ADGRL1: variants seen among roughly 807,000 people sequenced by gnomAD.
ADGRL1 encodes CIRL-1.
Under a neutral mutation model 148.9 loss-of-function variants are expected in ADGRL1, and 31 were observed. The observed-to-expected ratio is 0.21, with a 90% CI of 0.16 to 0.28. The LOEUF (loss-of-function observed/expected upper bound fraction) is 0.28. Ranked by LOEUF, ADGRL1 falls within the 10% of genes least tolerant of loss-of-function variation. The pLI, the probability that ADGRL1 is intolerant of heterozygous loss-of-function variation, is 1.00. For synonymous variants in ADGRL1, 937 were observed against 900.3 expected (o/e 1.04, Z -0.73); for missense variants, 1,521 against 2,058.8 (o/e 0.74, Z 5.05).
In ADGRL1 at chr19:14,185,800, T is replaced by A. The variant is rs551501084; in HGVS notation, c.-95-2103A>T. Among the ~76,000 whole-genome samples the A allele has an allele frequency of 3.9e-5, 6 of 152,332 alleles. No homozygotes were observed. The South Asian group carries it at 1.2e-3, about 32-fold the overall frequency. On this transcript the variant is annotated intron_variant, in intron 1 of 22. Transcript: ENST00000361434. ...TCCCTGCTGAAAACCAAAACCCTTG[T>A]AATTGGCCCAGTTAGCTCCCTGACC... is the stretch of plus-strand genomic sequence containing the variant.
chr19:14,152,494 G>A lies in ADGRL1; in HGVS notation c.3520+23C>T. 13 of 1,612,962 alleles carry A rather than the reference G, an allele frequency of 8.1e-6. No homozygotes were observed. Among genetic ancestry groups the A allele is most frequent in the Non-Finnish European group, 1.0e-5 (12 of 1,179,040 alleles). On this transcript the variant is annotated intron_variant, in intron 20 of 22. Coordinates refer to ENST00000361434, the MANE Select transcript of ADGRL1 (RefSeq NM_014921.5). This position sits in a 1 kb window ranked among gnomAD's most constrained non-coding sequence, Gnocchi z 6.1. ...CGGGAGCCTCCAGAGACTGAAGCCA[G>A]AGGCAGAAGGATGCCTTCTCACCTC...
intron 1 of ADGRL1, among the ~76,000 whole-genome samples, chr19:14,204,195 T>C (rs1187822789): frequency 1.3e-5 from 2 of 152,202 alleles, no homozygotes; most frequent in African/African-American, 4.8e-5. Context: ...GATATGATAA[T>C]GAAGGTTGTA....
At chr19:14,183,493 T>C in intron 2 of ADGRL1, 40 bp downstream of exon 2, 2 of 1,538,664 alleles carry the variant, frequency 1.3e-6, no homozygotes, top group South Asian at 2.4e-5. Context: ...CCAGAAGGGT[T>C]TGGGAGCCGC....
chr19:14,194,972 C>A (rs934417749), intron 1 of ADGRL1, among the ~76,000 whole-genome samples: 5 of 151,512 alleles, frequency 3.3e-5, no homozygotes, highest in African/African-American at 1.2e-4. Flanking sequence ...GCAGCCTCAT[C>A]CTCCCAGGCT....
chr19:14,158,005 C>T lies in ADGRL1; in HGVS notation c.2412G>A (p.Glu804=), dbSNP rs1454114595. The T allele has an allele frequency of 6.2e-7, 1 of 1,614,220 alleles. No homozygotes were observed. The highest frequency in any genetic ancestry group is 8.5e-7 in the Non-Finnish European group (1 of 1,180,022). Residue 804 remains glutamate, a synonymous_variant, in exon 13 of 23, where the codon GAG becomes GAA. Transcript: ENST00000361434. ...TCGACCAGTAGCCCAGCATGGAACG[C>T]TCCGAGTAGTTCCAGAAGGAGCAGT... ...NANCSFWNYS[E]RSMLGYWSTQ... is the part of the protein sequence containing the mutation.
rs571592051 is a variant in ADGRL1, at chr19:14,157,849, CT to C, written c.2535+32del. On this transcript the variant is annotated intron_variant, in intron 13 of 22. Coordinates refer to ENST00000361434, the MANE Select transcript of ADGRL1 (RefSeq NM_014921.5). This position sits in a 1 kb window ranked among gnomAD's most constrained non-coding sequence, Gnocchi z 7.5. ...TGCAAAGCCAGGCCAGCAATCGGGC[CT>C]GCCTGGAGGAGCAGAGCACCAGCCA... 1.2e-6 allele frequency: 2 copies of C among 1,610,136 alleles called. No individual in the cohort carries two copies. Among genetic ancestry groups the C allele is most frequent in the Non-Finnish European group, 1.7e-6 (2 of 1,178,232 alleles).
At chr19:14,153,891 G>A (rs905548898) in intron 18 of ADGRL1, among the ~76,000 whole-genome samples, 2 of 151,560 alleles carry the variant, frequency 1.3e-5, no homozygotes, top group Non-Finnish European at 2.9e-5. Flanking sequence ...GCAGTGAGCC[G>A]AGATCGCGCC....
rs759450317 is a variant in ADGRL1, at chr19:14,163,305, C to T, written c.496G>A (p.Gly166Ser). The part of the protein sequence containing the change: ...GAWCKDPLQA[G>S]DRIYVMPWIP... ...CAGGGCATCACGTAGATGCGGTCAC[C>T]CGCCTGCAGCGGGTCCTTGCACCAT... The change falls in exon 5 of 23, where the codon GGT (glycine) becomes AGT (serine). Residue 166 changes from glycine to serine, a missense_variant. Transcript: ENST00000361434. 6.2e-7 allele frequency: 1 copy of T among 1,613,506 alleles called. No individual in the cohort carries two copies. The highest frequency in any genetic ancestry group is 8.5e-7 in the Non-Finnish European group (1 of 1,179,968).
chr19:14,157,747 C>T lies in ADGRL1; in HGVS notation c.2535+135G>A. On this transcript the variant is annotated intron_variant, in intron 13 of 22. Coordinates refer to ENST00000361434, the MANE Select transcript of ADGRL1 (RefSeq NM_014921.5). This position sits in a 1 kb window ranked among gnomAD's most constrained non-coding sequence, Gnocchi z 7.5. The stretch of plus-strand genomic sequence containing the variant: ...AGGACCAGACGCATGGCCTCATGCC[C>T]CAGGCAAGACCAGGGGCCCCCCACA... The T allele has an allele frequency of 9.4e-7, 1 of 1,061,376 alleles. No homozygotes were observed. The highest frequency in any genetic ancestry group is 1.6e-5 in the South Asian group (1 of 61,456). 65.7% of individuals were successfully genotyped at this position (1,061,376 alleles called of 1,614,324 possible). A position where few individuals can be genotyped will look rare whatever the true frequency, so the allele number is the denominator to read the frequency against.
chr19:14,164,414 C>T (rs1177198216), intron 4 of ADGRL1, among the ~76,000 whole-genome samples: 1 of 152,060 alleles, frequency 6.6e-6, no homozygotes, highest in Non-Finnish European at 1.5e-5. Context: ...CGCTGCAAAC[C>T]ACCTGGGAAG....
At chr19:14,183,453 G>A in intron 2 of ADGRL1, 80 bp downstream of exon 2, 1 of 1,303,036 alleles carries the variant, frequency 7.7e-7, no homozygotes, top group Non-Finnish European at 1.1e-6. Context: ...TGAGTGATCA[G>A]GAGGGTTTTC....
chr19:14,182,615 G>A (rs893321757), intron 2 of ADGRL1, among the ~76,000 whole-genome samples: 2 of 152,156 alleles, frequency 1.3e-5, no homozygotes, highest in Non-Finnish European at 2.9e-5. Flanking sequence ...AGCACCATCT[G>A]CCTCCTCATC....
At position 14,177,521 on chromosome 19, in the gene ADGRL1, G is replaced by GCCCAC; in HGVS notation, c.284+5_284+9dup. On this transcript the variant is annotated intron_variant, in intron 3 of 22. Coordinates refer to ENST00000361434, the MANE Select transcript of ADGRL1 (RefSeq NM_014921.5). The stretch of plus-strand genomic sequence containing the variant: ...ACTTCATCCAGGAACTGCCACGAGA[G>GCCCAC]CCCACTCACCTCTGTGACATGATCT... 1.2e-6 allele frequency: 2 copies of GCCCAC among 1,610,360 alleles called. No individual in the cohort carries two copies. The highest frequency in any genetic ancestry group is 2.7e-5 in the African/African-American group (2 of 74,994).
chr19:14,157,363 C>A lies in ADGRL1; in HGVS notation c.2633G>T (p.Cys878Phe). 1 of 1,614,202 alleles carries A rather than the reference C, an allele frequency of 6.2e-7. No individual in the cohort carries two copies. The highest frequency in any genetic ancestry group is 8.5e-7 in the Non-Finnish European group (1 of 1,180,020). The change falls in exon 14 of 23, where the codon TGC (cysteine) becomes TTC (phenylalanine). Residue 878 changes from cysteine to phenylalanine, a missense_variant. Physicochemically the swap from Cys to Phe is radical, Grantham distance 205. This residue lies in a region of ADGRL1 where 265 missense variants were observed against 431.9 expected (regional missense o/e 0.61). Coordinates refer to ENST00000361434, the MANE Select transcript of ADGRL1 (RefSeq NM_014921.5). This position sits in a 1 kb window ranked among gnomAD's most constrained non-coding sequence, Gnocchi z 7.5. ...VCLAICISTF[C>F]FLRGLQTDRN... ...GTCGGTCTGCAGCCCCCGCAGGAAG[C>A]AGAAGGTGGAGATGCAGATGGCCAA...
In ADGRL1 at chr19:14,152,563, G is replaced by A; in HGVS notation, c.3474C>T (p.Ser1158=). The change falls in exon 20 of 23, where the codon TCC becomes TCT. Residue 1158 remains serine (S), a synonymous_variant. Transcript: ENST00000361434. The surrounding 1 kb of genome is among the most constrained non-coding windows in gnomAD (Gnocchi z 6.1). ...TGTTGATGTCACCCGCCATGAAGGAGGACTCCGTCTGTTTCCTCACAGTGT... is the reference window on the plus strand; with the variant it reads ...TGTTGATGTCACCCGCCATGAAGGAAGACTCCGTCTGTTTCCTCACAGTGT... ...WNDTVRKQTE[S]SFMAGDINST... 6.2e-7 allele frequency: 1 copy of A among 1,614,108 alleles called. No individual in the cohort carries two copies. Among genetic ancestry groups the A allele is most frequent in the Non-Finnish European group, 8.5e-7 (1 of 1,179,992 alleles).
At chr19:14,189,740 T>A (rs1971815522) in intron 1 of ADGRL1, among the ~76,000 whole-genome samples, 2 of 152,238 alleles carry the variant, frequency 1.3e-5, no homozygotes, top group Admixed American at 1.3e-4. Flanking sequence ...TGCTGAGGCA[T>A]CATTGACAAA....
At position 14,163,421 on chromosome 19, in the gene ADGRL1, CGGGAG is replaced by C; in HGVS notation, c.395-20_395-16del. On this transcript the variant is annotated splice_polypyrimidine_tract_variant and intron_variant, in intron 4 of 22. Coordinates refer to ENST00000361434, the MANE Select transcript of ADGRL1 (RefSeq NM_014921.5). The stretch of plus-strand genomic sequence containing the variant: ...GCACACGAAGACTGGGCAGAGTGGG[CGGGAG>C]GGGAGGAGGTAGGAGAGAAGGGGCA... 1 of 1,378,832 alleles carries C rather than the reference CGGGAG, an allele frequency of 7.3e-7. No homozygotes were observed. Among genetic ancestry groups the C allele is most frequent in the South Asian group, 1.4e-5 (1 of 69,224 alleles). 85.4% of individuals were successfully genotyped at this position (1,378,832 alleles called of 1,614,324 possible). A position where few individuals can be genotyped will look rare whatever the true frequency, so the allele number is the denominator to read the frequency against.
rs937502874 is a variant in ADGRL1 at position 14,155,169 on chromosome 19, G to A, written c.3294+190C>T. The A allele has an allele frequency of 1.8e-5, 10 of 555,488 alleles. No individual in the cohort carries two copies. The highest frequency in any genetic ancestry group is 9.1e-5 in the South Asian group (4 of 44,020). The allele number at this position is 555,488 out of a possible 1,614,324, so 34.4% of individuals were successfully genotyped here. On this transcript the variant is annotated intron_variant, in intron 18 of 22. Coordinates refer to ENST00000361434, the MANE Select transcript of ADGRL1 (RefSeq NM_014921.5). The surrounding 1 kb of genome is among the most constrained non-coding windows in gnomAD (Gnocchi z 5.0). ...TTTTCCAGAACCCTCTTCACCCGTG[G>A]TTAAACCCTCCCTAACCCTGAGCTC...
chr19:14,191,539 A>G, intron 1 of ADGRL1: 1 of 438,802 alleles, frequency 2.3e-6, no homozygotes, highest in Non-Finnish European at 4.7e-6. Context: ...TACACAGCAG[A>G]AATTTACTTC....
Sources: allele counts gnomAD v4.1 joint callset (sites outside exome capture counted in the v4.1 genomes callset), GRCh38; gene constraint gnomAD v4.1.1; regional missense constraint gnomAD v4.1.1; non-coding constraint Gnocchi (gnomAD v3.1); transcripts MANE v1.5; gene names NCBI Gene and HGNC (gene_info 2026-07-23, HGNC 2026-07-21).